ZC3H13: variants seen among roughly 807,000 people sequenced by gnomAD.
The protein encoded by ZC3H13 is zinc finger CCCH-type containing 13, also known as zinc finger CCCH domain-containing protein 13.
ZC3H13 carries 64 observed loss-of-function variants against 204.1 expected under a neutral mutation model. The ratio of observed to expected loss-of-function variants is 0.31; its 90% confidence interval spans 0.26 to 0.39. ZC3H13 has a LOEUF of 0.39. Among genes scored for constraint, ZC3H13 ranks in the 10% least tolerant of loss-of-function variants. ZC3H13 has a pLI of 1.00. For missense variants in ZC3H13, 1,833 were observed against 2,082.7 expected, an observed-to-expected ratio of 0.88 and a Z score of 2.33; for synonymous variants, 667 against 693.7, an observed-to-expected ratio of 0.96 and a Z score of 0.60.
At chr13:45,973,098 A>C (rs1338492986) in intron 12 of ZC3H13, among the ~76,000 whole-genome samples, 1 of 152,212 alleles carries the variant, frequency 6.6e-6, no homozygotes, top group Non-Finnish European at 1.5e-5. Flanking sequence ...TGAGCAAATA[A>C]ATGGTTGTTG....
At chr13:45,988,738 A>C in intron 9 of ZC3H13, 49 bp downstream of exon 9, 1 of 1,550,100 alleles carries the variant, frequency 6.5e-7, no homozygotes, top group South Asian at 1.2e-5. Flanking sequence ...ACAACAATAA[A>C]GCTGGATGTT....
intron 5 of ZC3H13, among the ~76,000 whole-genome samples, chr13:46,019,539 C>A (rs1289733618): frequency 6.6e-6 from 1 of 151,986 alleles, no homozygotes; most frequent in Non-Finnish European, 1.5e-5. Flanking sequence ...AATTGTCCAC[C>A]CCCACTCAAT....
chr13:45,994,934 G>T (rs1383799754), intron 8 of ZC3H13, among the ~76,000 whole-genome samples: 2 of 148,608 alleles, frequency 1.3e-5, no homozygotes. Flanking sequence ...GGAGATTTTT[G>T]AAATCCCTGC....
chr13:46,033,691 A>G (rs1593772070), intron 4 of ZC3H13, among the ~76,000 whole-genome samples: 1 of 152,160 alleles, frequency 6.6e-6, no homozygotes, highest in Non-Finnish European at 1.5e-5. Context: ...AAAGGAACCA[A>G]GTTTTTTGAG....
chr13:45,997,634 G>C (rs770653900), intron 8 of ZC3H13, among the ~76,000 whole-genome samples: 2 of 151,988 alleles, frequency 1.3e-5, no homozygotes, highest in African/African-American at 4.8e-5. Context: ...ATTTATTTTT[G>C]AATTTGGACA....
intron 8 of ZC3H13, among the ~76,000 whole-genome samples, chr13:45,998,807 A>C (rs1281265202): frequency 6.6e-6 from 1 of 152,138 alleles, no homozygotes; most frequent in Non-Finnish European, 1.5e-5. Flanking sequence ...GAAGGTTGCA[A>C]AAGGCTGGGG....
chr13:46,042,681 G>C (rs2043670998), intron 3 of ZC3H13, among the ~76,000 whole-genome samples: 2 of 152,016 alleles, frequency 1.3e-5, no homozygotes, highest in Non-Finnish European at 2.9e-5. Flanking sequence ...CTACAAAGTT[G>C]CAAAATTAAT....
chr13:46,023,376 C>A (rs1316503744), intron 4 of ZC3H13, among the ~76,000 whole-genome samples: 1 of 152,166 alleles, frequency 6.6e-6, no homozygotes, highest in East Asian at 1.9e-4. Context: ...TACCTCCCTA[C>A]AATTTCTACT....
intron 11 of ZC3H13, among the ~76,000 whole-genome samples, chr13:45,978,237 C>A (rs1953235983): frequency 6.6e-6 from 1 of 151,972 alleles, no homozygotes; most frequent in African/African-American, 2.4e-5. Flanking sequence ...GTGGGGAGTT[C>A]TTCCCTCTCC....
chr13:46,032,362 CAAA>C (rs11323386), intron 4 of ZC3H13, among the ~76,000 whole-genome samples: 1,130 of 99,654 alleles, frequency 0.011, 13 homozygotes, highest in African/African-American at 0.037. Context: ...AGAAAAAGAC[CAAA>C]AAAAAAAAAA....
At chr13:45,970,029 C>T (rs1952455963) in intron 13 of ZC3H13, 58 bp from the exon 14 acceptor site, 14 of 1,512,438 alleles carry the variant, frequency 9.3e-6, no homozygotes, top group Non-Finnish European at 1.2e-5. Flanking sequence ...CTGCATGGTA[C>T]ATATAGATTA....
chr13:46,033,538 C>G (rs985985365), intron 4 of ZC3H13, among the ~76,000 whole-genome samples: 2 of 152,040 alleles, frequency 1.3e-5, no homozygotes, highest in African/African-American at 4.8e-5. Context: ...AAGTAAAAGT[C>G]CTGCAGTCCA....
At chr13:46,030,768 G>A (rs968498136) in intron 4 of ZC3H13, among the ~76,000 whole-genome samples, 7 of 152,160 alleles carry the variant, frequency 4.6e-5, no homozygotes, top group African/African-American at 1.7e-4. Flanking sequence ...AGACATGCAT[G>A]AGGAAAATTA....
intron 4 of ZC3H13, among the ~76,000 whole-genome samples, chr13:46,040,504 G>C (rs978631154): frequency 3.3e-5 from 5 of 152,036 alleles, no homozygotes; most frequent in Non-Finnish European, 7.4e-5. Context: ...AGACAACATA[G>C]ACGTAAATCT....
At chr13:46,039,344 A>G (rs930536506) in intron 4 of ZC3H13, among the ~76,000 whole-genome samples, 1 of 152,212 alleles carries the variant, frequency 6.6e-6, no homozygotes, top group African/African-American at 2.4e-5. Flanking sequence ...TTCATCTTCT[A>G]TAAGAGCCTA....
At chr13:45,996,392 G>GA (rs1035974750) in intron 8 of ZC3H13, among the ~76,000 whole-genome samples, 7 of 151,836 alleles carry the variant, frequency 4.6e-5, no homozygotes, top group East Asian at 1.9e-4. Context: ...CAATTTACAG[G>GA]AAAAAAAATT....
At position 45,959,624 on chromosome 13, in the gene ZC3H13, A is replaced by G; in HGVS notation, c.4698T>C (p.His1566=). 1.3e-6 allele frequency: 2 copies of G among 1,531,528 alleles called. No homozygotes were observed. The highest frequency in any genetic ancestry group is 1.7e-4 in the Middle Eastern group (1 of 5,932). 94.9% of individuals were successfully genotyped at this position (1,531,528 alleles called of 1,614,324 possible). Residue 1566 remains histidine (H), a synonymous_variant, in exon 18 of 19, where the codon CAT becomes CAC. Transcript: ENST00000679008. ...CAGCCATATTGAGAGCCCCCAATTC[A>G]TGTTCAAAGAGATTGTCTGCATCTT... The part of the protein sequence containing the change: ...KPKDADNLFE[H]ELGALNMAAL...
chr13:45,988,782 C>T lies in ZC3H13; in HGVS notation c.1255+5G>A, dbSNP rs772548652. The T allele has an allele frequency of 6.2e-7, 1 of 1,609,426 alleles. No individual in the cohort carries two copies. On this transcript the variant is annotated splice_donor_5th_base_variant and intron_variant, in intron 9 of 18. Transcript: ENST00000679008. ...CAATTAAAAAAATCAAAGTACAGTA[C>T]ACACCTTCCCTCCTTTCATGGCGTC...
intron 1 of ZC3H13, among the ~76,000 whole-genome samples, chr13:46,050,029 AGT>A (rs1429370006): frequency 5.3e-5 from 8 of 152,170 alleles, no homozygotes; most frequent in Non-Finnish European, 1.2e-4. Context: ...GAGTGGCACT[AGT>A]GAAAGCCTAT....
Sources: allele counts gnomAD v4.1 joint callset (sites outside exome capture counted in the v4.1 genomes callset), GRCh38; gene constraint gnomAD v4.1.1; transcripts MANE v1.5; gene names NCBI Gene and HGNC (gene_info 2026-07-23, HGNC 2026-07-21).